PDGFC: variants seen among roughly 807,000 people sequenced by gnomAD.
PDGFC encodes the protein platelet-derived growth factor C.
PDGFC carries 12 observed loss-of-function variants against 35.5 expected under a neutral mutation model. That is an observed-to-expected ratio of 0.34 (90% confidence interval 0.22 to 0.55). The LOEUF (loss-of-function observed/expected upper bound fraction) is 0.55, where lower values mean the gene tolerates loss of function less well. Among genes scored for constraint, PDGFC ranks in the 20% least tolerant of loss-of-function variants. The probability of loss-of-function intolerance (pLI) is 0.91; values close to 1 mark genes in which losing one functional copy is unlikely to be tolerated. For missense variants in PDGFC, 322 were observed against 412.4 expected, an observed-to-expected ratio of 0.78 and a Z score of 1.90; for synonymous variants, 159 against 148.8, an observed-to-expected ratio of 1.07 and a Z score of -0.50.
chr4:156,784,003 A>T, intron 3 of PDGFC, among the ~76,000 whole-genome samples: 1 of 152,156 alleles, frequency 6.6e-6, no homozygotes, highest in East Asian at 1.9e-4. Flanking sequence ...ATACAGGCAA[A>T]ATTGGTAAGA....
intron 3 of PDGFC, among the ~76,000 whole-genome samples, chr4:156,809,781 T>C (rs760151997): frequency 1.5e-4 from 23 of 151,834 alleles, no homozygotes; most frequent in Non-Finnish European, 3.1e-4. Flanking sequence ...GGACAGTAGA[T>C]TGCTATTTAT....
intron 2 of PDGFC, among the ~76,000 whole-genome samples, chr4:156,812,036 A>T (rs1452829650): frequency 1.3e-5 from 2 of 152,094 alleles, no homozygotes; most frequent in African/African-American, 2.4e-5. Context: ...CATCTCATGT[A>T]TAAACGCATA....
intron 1 of PDGFC, among the ~76,000 whole-genome samples, chr4:156,897,738 A>G (rs1730669462): frequency 6.6e-6 from 1 of 152,154 alleles, no homozygotes; most frequent in African/African-American, 2.4e-5. Flanking sequence ...AGAGATTCCT[A>G]TGAGCAACTC....
At chr4:156,920,781 C>G (rs1731257437) in intron 1 of PDGFC, among the ~76,000 whole-genome samples, 1 of 152,006 alleles carries the variant, frequency 6.6e-6, no homozygotes, top group African/African-American at 2.4e-5. Flanking sequence ...CTATAATTGC[C>G]AACCTTTTTC....
chr4:156,898,639 AT>A (rs11463568), intron 1 of PDGFC, among the ~76,000 whole-genome samples: 4 of 150,634 alleles, frequency 2.7e-5, no homozygotes, highest in Non-Finnish European at 4.4e-5. Flanking sequence ...AGAAGCTTCC[AT>A]TTTTTTTTCT....
intron 1 of PDGFC, among the ~76,000 whole-genome samples, chr4:156,886,052 T>C (rs995725169): frequency 2.6e-5 from 4 of 152,180 alleles, no homozygotes; most frequent in Admixed American, 6.5e-5. Context: ...GCTAAAATGC[T>C]TGTTAAATTA....
intron 2 of PDGFC, among the ~76,000 whole-genome samples, chr4:156,813,442 G>A (rs1484169141): frequency 6.6e-6 from 1 of 152,088 alleles, no homozygotes; most frequent in Admixed American, 6.6e-5. Flanking sequence ...AATAGTAGAA[G>A]AAAGAGTGTA....
In PDGFC at chr4:156,850,410, T is replaced by C. The variant is rs761855036; in HGVS notation, c.125A>G (p.Gln42Arg). The C allele has an allele frequency of 1.9e-6, 3 of 1,577,712 alleles. No individual in the cohort carries two copies. The South Asian group carries it at 3.5e-5, about 18-fold the overall frequency. The change falls in exon 2 of 6, where the codon CAA becomes CGA. Residue 42 changes from glutamine to arginine, a missense_variant. Coordinates refer to ENST00000502773, the MANE Select transcript of PDGFC (RefSeq NM_016205.3). ...FSSNKEQNGV[Q>R]DPQHERIITV... is the part of the protein sequence containing the mutation. ...AATAATTCTCTCATGCTGAGGATCT[T>C]GTACTCCTAAAGCAAAAAACATAGA...
At chr4:156,923,262 T>C (rs1731329731) in intron 1 of PDGFC, among the ~76,000 whole-genome samples, 1 of 152,098 alleles carries the variant, frequency 6.6e-6, no homozygotes, top group African/African-American at 2.4e-5. Flanking sequence ...ACTCAGGGCC[T>C]TTCCGCTTCC....
In PDGFC at chr4:156,828,556, C is replaced by T. The variant is rs369317517; in HGVS notation, c.315-17539G>A. On this transcript the variant is annotated intron_variant, in intron 2 of 5. Coordinates refer to ENST00000502773, the MANE Select transcript of PDGFC (RefSeq NM_016205.3). ...AATTTTGACTGGTTTTTTGCTTTTT[C>T]TCCCTTTTCTTCAGTGACCATTATA... Among the ~76,000 whole-genome samples, 6 of 152,128 alleles carry T rather than the reference C, an allele frequency of 3.9e-5. No individual in the cohort carries two copies. In the East Asian group the frequency reaches 7.7e-4, roughly 20 times the overall value.
At chr4:156,883,716 CT>C (rs1464057453) in intron 1 of PDGFC, among the ~76,000 whole-genome samples, 1 of 149,176 alleles carries the variant, frequency 6.7e-6, no homozygotes, top group African/African-American at 2.6e-5. Context: ...AGATTTCTTT[CT>C]CTTTCTCTTT....
At chr4:156,894,237 G>A (rs1220678537) in intron 1 of PDGFC, among the ~76,000 whole-genome samples, 1 of 151,956 alleles carries the variant, frequency 6.6e-6, no homozygotes, top group Non-Finnish European at 1.5e-5. Context: ...ACTTTTTACT[G>A]GACAGTTCAA....
intron 1 of PDGFC, among the ~76,000 whole-genome samples, chr4:156,918,518 G>A (rs1731201062): frequency 6.6e-6 from 1 of 152,206 alleles, no homozygotes; most frequent in South Asian, 2.1e-4. Flanking sequence ...CACACAGCAG[G>A]AGGTGAGCAG....
intron 1 of PDGFC, among the ~76,000 whole-genome samples, chr4:156,946,725 C>T (rs904515676): frequency 6.6e-6 from 1 of 152,008 alleles, no homozygotes; most frequent in Non-Finnish European, 1.5e-5. Context: ...CAACAACATA[C>T]ATGACTAAGA....
At chr4:156,789,848 G>T (rs557208120) in intron 3 of PDGFC, among the ~76,000 whole-genome samples, 2 of 151,992 alleles carry the variant, frequency 1.3e-5, no homozygotes, top group Non-Finnish European at 2.9e-5. Flanking sequence ...ATGGTGACGG[G>T]TGCCTGTAGT....
chr4:156,919,411 A>G (rs1560873045), intron 1 of PDGFC, among the ~76,000 whole-genome samples: 1 of 152,166 alleles, frequency 6.6e-6, no homozygotes, highest in Non-Finnish European at 1.5e-5. Context: ...GATACTCCCA[A>G]CTGAAGAGGG....
intron 2 of PDGFC, among the ~76,000 whole-genome samples, chr4:156,837,427 T>A (rs1452649282): frequency 1.3e-5 from 2 of 152,074 alleles, no homozygotes; most frequent in Non-Finnish European, 2.9e-5. Flanking sequence ...ATTGCTTTTT[T>A]TTTTCCTGGT....
intron 1 of PDGFC, among the ~76,000 whole-genome samples, chr4:156,924,578 G>T (rs115363844): frequency 2.6e-5 from 4 of 152,240 alleles, no homozygotes; most frequent in Non-Finnish European, 5.9e-5. Flanking sequence ...AGTAGATCTT[G>T]CAACAAGATT....
At chr4:156,836,613 A>G (rs1434518068) in intron 2 of PDGFC, among the ~76,000 whole-genome samples, 1 of 152,184 alleles carries the variant, frequency 6.6e-6, no homozygotes. Flanking sequence ...TATAATATTC[A>G]TATCATTTCT....
Sources: gnomAD v4.1 joint callset for allele counts (sites outside exome capture counted in the v4.1 genomes callset) on GRCh38, gnomAD v4.1.1 for gene constraint, MANE v1.5 for transcripts, NCBI Gene and HGNC (gene_info 2026-07-23, HGNC 2026-07-21) for gene names.